Variants in HVCN1 observed in about 807,000 individuals in gnomAD.
The protein encoded by HVCN1 is hydrogen voltage gated channel 1.
In HVCN1, 14 loss-of-function variants were observed where a neutral mutation model predicts 29.2. The ratio of observed to expected loss-of-function variants is 0.48; its 90% CI spans 0.32 to 0.75. The LOEUF is 0.75. Ranked by LOEUF, HVCN1 falls within the 30% of genes least tolerant of loss-of-function variation. The pLI, the probability that HVCN1 is intolerant of heterozygous loss-of-function variation, is 0.04. For synonymous variants in HVCN1, 131 were observed against 133.2 expected (o/e 0.98, Z 0.11); for missense variants, 263 against 341.8 (o/e 0.77, Z 1.82).
intron 2 of HVCN1, among the ~76,000 whole-genome samples, chr12:110,700,306 G>A (rs1419925416): frequency 3.9e-5 from 6 of 152,310 alleles, no homozygotes; most frequent in South Asian, 2.1e-4. Context: ...GCCATGAAGC[G>A]GCAGGGTAGG....
intron 4 of HVCN1, among the ~76,000 whole-genome samples, chr12:110,659,789 C>T (rs2068105295): frequency 6.6e-6 from 1 of 151,842 alleles, no homozygotes; most frequent in Non-Finnish European, 1.5e-5. Flanking sequence ...GGGACATGGC[C>T]AGGCATAGTG....
At chr12:110,655,152 C>T in intron 5 of HVCN1, 82 bp downstream of exon 5, 1 of 1,003,218 alleles carries the variant, frequency 1.0e-6, no homozygotes. Flanking sequence ...GGGGTGTCAG[C>T]TGCTCCACTC....
intron 5 of HVCN1, among the ~76,000 whole-genome samples, chr12:110,652,975 G>A (rs1023215795): frequency 1.3e-5 from 2 of 152,200 alleles, no homozygotes; most frequent in South Asian, 2.1e-4. Context: ...CCAGAACATC[G>A]CCAGCCAATG....
At chr12:110,703,446 C>A (rs965850316) in intron 1 of HVCN1, among the ~76,000 whole-genome samples, 1 of 151,570 alleles carries the variant, frequency 6.6e-6, no homozygotes, top group Non-Finnish European at 1.5e-5. Context: ...CATCTTGTGG[C>A]GATCCAAGCA....
intron 5 of HVCN1, among the ~76,000 whole-genome samples, chr12:110,654,013 G>A (rs915733798): frequency 1.3e-5 from 2 of 152,212 alleles, no homozygotes; most frequent in African/African-American, 4.8e-5. Context: ...ACGGAAGCGT[G>A]TGTGCGTCCG....
At chr12:110,662,586 T>C (rs189068428) in intron 3 of HVCN1, among the ~76,000 whole-genome samples, 3 of 152,276 alleles carry the variant, frequency 2.0e-5, no homozygotes, top group African/African-American at 7.2e-5. Flanking sequence ...ATGCCTGTAA[T>C]CCCAGCTACT....
At chr12:110,698,089 C>T (rs1444170325) in intron 2 of HVCN1, among the ~76,000 whole-genome samples, 2 of 152,176 alleles carry the variant, frequency 1.3e-5, no homozygotes, top group East Asian at 1.9e-4. Context: ...CTTCTCTGCC[C>T]GCAGAGACAG....
At chr12:110,685,189 G>A (rs2069132855) in intron 2 of HVCN1, among the ~76,000 whole-genome samples, 13 of 152,182 alleles carry the variant, frequency 8.5e-5, no homozygotes, top group Admixed American at 8.5e-4. Flanking sequence ...ATAAGTGGAG[G>A]CAGGAGAAAG....
At chr12:110,686,167 A>AT (rs966347747) in intron 2 of HVCN1, among the ~76,000 whole-genome samples, 57 of 150,674 alleles carry the variant, frequency 3.8e-4, no homozygotes, top group Admixed American at 3.3e-3. Flanking sequence ...CCCAGCTAAA[A>AT]TTTTTTTTTG....
intron 3 of HVCN1, among the ~76,000 whole-genome samples, chr12:110,680,695 T>C (rs1212153830): frequency 6.6e-6 from 1 of 152,030 alleles, no homozygotes; most frequent in East Asian, 1.9e-4. Context: ...GGCAGGTGGA[T>C]CACTTGAGGC....
chr12:110,670,042 A>G (rs1304535217), intron 3 of HVCN1, among the ~76,000 whole-genome samples: 1 of 152,188 alleles, frequency 6.6e-6, no homozygotes, highest in East Asian at 1.9e-4. Context: ...GAAAAAAGAA[A>G]TGGTTAATAA....
chr12:110,696,437 G>A (rs1002007922), intron 2 of HVCN1, among the ~76,000 whole-genome samples: 2 of 152,048 alleles, frequency 1.3e-5, no homozygotes, highest in South Asian at 2.1e-4. Context: ...CAAAGGCCCC[G>A]TACATAGTGG....
chr12:110,701,321 G>A (rs191944852), intron 2 of HVCN1, among the ~76,000 whole-genome samples: 14 of 152,296 alleles, frequency 9.2e-5, no homozygotes, highest in Non-Finnish European at 1.9e-4. Flanking sequence ...CTAGAGCAGT[G>A]TTTTTCCAAG....
chr12:110,662,491 G>C (rs1165583272), intron 3 of HVCN1, among the ~76,000 whole-genome samples: 1 of 152,202 alleles, frequency 6.6e-6, no homozygotes, highest in Non-Finnish European at 1.5e-5. Context: ...GATTGCCTGA[G>C]GTCAGGAGTT....
At chr12:110,675,991 A>G (rs996145080) in intron 3 of HVCN1, among the ~76,000 whole-genome samples, 5 of 152,234 alleles carry the variant, frequency 3.3e-5, no homozygotes, top group Non-Finnish European at 7.3e-5. Context: ...GCAGAGGAGC[A>G]AACTGAAGAC....
At chr12:110,683,372 T>A in intron 2 of HVCN1, 108 bp from the exon 3 acceptor site, 1 of 1,336,332 alleles carries the variant, frequency 7.5e-7, no homozygotes, top group Non-Finnish European at 1.0e-6. Context: ...AGTTTAGTTT[T>A]AACTGTGCCC....
intron 3 of HVCN1, among the ~76,000 whole-genome samples, chr12:110,672,874 TC>T (rs1383499258): frequency 6.6e-6 from 1 of 152,190 alleles, no homozygotes; most frequent in Non-Finnish European, 1.5e-5. Flanking sequence ...TTCTGAGGCC[TC>T]CCCAGCCATG....
upstream of HVCN1, among the ~76,000 whole-genome samples, chr12:110,690,454 A>G (rs913054855): frequency 1.5e-4 from 23 of 152,166 alleles, no homozygotes; most frequent in African/African-American, 5.1e-4. Context: ...GCTTTCCCCA[A>G]TTCTGCTGGG....
In HVCN1 at chr12:110,650,208, G is replaced by T; in HGVS notation, c.716C>A (p.Ala239Asp). The T allele has an allele frequency of 1.2e-6, 2 of 1,613,252 alleles. No homozygotes were observed. The highest frequency in any genetic ancestry group is 2.2e-5 in the South Asian group (2 of 91,066). ...LRLKQMNVQL[A>D]AKIQHLEFSC... ...GAACTCAAGGTGTTGAATCTTGGCG[G>T]CCAATTGTACATTCATCTGTTTTAA... is the stretch of plus-strand genomic sequence containing the variant. The change falls in exon 7 of 8, where the codon GCC (alanine) becomes GAC (aspartate). Residue 239 changes from alanine to aspartate, a missense_variant. Around this residue, in one of 3 missense-constraint regions of HVCN1, gnomAD observed 51 missense variants for 51.1 expected, o/e 1.00. Transcript: ENST00000242607.
Sources: gnomAD v4.1 joint callset for allele counts (sites outside exome capture counted in the v4.1 genomes callset) on GRCh38, gnomAD v4.1.1 for gene constraint, gnomAD v4.1.1 regional missense constraint, MANE v1.5 for transcripts, NCBI Gene and HGNC (gene_info 2026-07-23, HGNC 2026-07-21) for gene names.